KHDRBS2: variants seen among roughly 807,000 people sequenced by gnomAD.
The protein encoded by KHDRBS2 is KH domain-containing, RNA-binding, signal transduction-associated protein 2.
A neutral mutation model predicts 44.3 loss-of-function variants in KHDRBS2; 26 were observed. The observed-to-expected ratio is 0.59, with a 90% CI of 0.43 to 0.81. The LOEUF (loss-of-function observed/expected upper bound fraction) is 0.81, where lower values mean the gene tolerates loss of function less well. Among genes scored for constraint, KHDRBS2 ranks in the 40% least tolerant of loss-of-function variants. KHDRBS2 has a pLI of 0.00. For synonymous variants in KHDRBS2, 194 were observed against 151.1 expected, an observed-to-expected ratio of 1.28 and a Z score of -2.08; for missense variants, 476 against 433.1, an observed-to-expected ratio of 1.10 and a Z score of -0.88.
intron 4 of KHDRBS2, among the ~76,000 whole-genome samples, chr6:61,928,721 A>T (rs780736611): frequency 2.0e-5 from 3 of 152,104 alleles, no homozygotes; most frequent in Non-Finnish European, 4.4e-5. Context: ...TAGAACAATT[A>T]TTCATATAGG....
chr6:62,087,933 T>G (rs1434230348), intron 2 of KHDRBS2, among the ~76,000 whole-genome samples: 1 of 152,222 alleles, frequency 6.6e-6, no homozygotes, highest in African/African-American at 2.4e-5. Flanking sequence ...ATGCATTATT[T>G]CATTAAGTTG....
At position 62,177,262 on chromosome 6, in the gene KHDRBS2, T is replaced by C; in HGVS notation, c.142A>G (p.Lys48Glu). The change falls in exon 2 of 9, where the codon AAG becomes GAG. Residue 48 changes from lysine (K) to glutamate (E), a missense_variant. Coordinates refer to ENST00000281156, the MANE Select transcript of KHDRBS2 (RefSeq NM_152688.4). ...TTGTTGCTGATGACATCAAGATACT[T>C]CTTTTCTTCGTCTTCCTTTTTTCCA... ...SDGKKEDEEK[K>E]YLDVISNKNI... 2 of 1,601,862 alleles carry C rather than the reference T, an allele frequency of 1.2e-6. No individual in the cohort carries two copies. The highest frequency in any genetic ancestry group is 1.7e-6 in the Non-Finnish European group (2 of 1,171,100).
Position 62,286,024 on chromosome 6 carries a change from C to T in KHDRBS2, c.-76G>A. ...GGACGCAGGCAGGGTCTTGGGGCAG[C>T]GCCTGGCTCCCGCGCTGCTCCTCCT... On this transcript the variant is annotated 5_prime_UTR_variant, in exon 1 of 9. Transcript: ENST00000281156. The T allele has an allele frequency of 1.2e-6, 1 of 851,138 alleles. No individual in the cohort carries two copies. Among genetic ancestry groups the T allele is most frequent in the East Asian group, 2.6e-5 (1 of 37,914 alleles). 52.7% of individuals were successfully genotyped at this position (851,138 alleles called of 1,614,324 possible).
At chr6:61,762,223 A>G (rs1238005773) in intron 6 of KHDRBS2, among the ~76,000 whole-genome samples, 1 of 152,146 alleles carries the variant, frequency 6.6e-6, no homozygotes, top group East Asian at 1.9e-4. Flanking sequence ...CTTTTCCATA[A>G]TTGATTCTCA....
chr6:61,857,066 T>A (rs1159856024), intron 6 of KHDRBS2, among the ~76,000 whole-genome samples: 1 of 152,076 alleles, frequency 6.6e-6, no homozygotes, highest in Non-Finnish European at 1.5e-5. Flanking sequence ...CTTCATCTGA[T>A]AATCATATAT....
At chr6:61,853,964 G>A (rs1242259437) in intron 6 of KHDRBS2, among the ~76,000 whole-genome samples, 2 of 152,190 alleles carry the variant, frequency 1.3e-5, no homozygotes, top group East Asian at 3.8e-4. Flanking sequence ...ACATTGGCCA[G>A]ACCTTGGTCA....
intron 7 of KHDRBS2, among the ~76,000 whole-genome samples, chr6:61,706,695 A>G (rs1030180181): frequency 6.6e-6 from 1 of 151,854 alleles, no homozygotes; most frequent in African/African-American, 2.4e-5. Flanking sequence ...GAAAAGATAT[A>G]TTAACATACC....
chr6:61,912,743 C>A (rs1440070598), intron 4 of KHDRBS2, among the ~76,000 whole-genome samples: 1 of 152,148 alleles, frequency 6.6e-6, no homozygotes, highest in East Asian at 1.9e-4. Context: ...CATTTTCTGT[C>A]CTCTGCAAAA....
intron 3 of KHDRBS2, among the ~76,000 whole-genome samples, chr6:62,024,873 TG>T (rs1254034057): frequency 1.3e-5 from 2 of 151,670 alleles, no homozygotes; most frequent in African/African-American, 4.8e-5. Flanking sequence ...GTATTTATCA[TG>T]GTCCTCATGA....
intron 6 of KHDRBS2, among the ~76,000 whole-genome samples, chr6:61,873,818 A>G (rs1799010031): frequency 6.6e-6 from 1 of 152,042 alleles, no homozygotes; most frequent in Non-Finnish European, 1.5e-5. Context: ...AATAAACTAA[A>G]CAAATTAATC....
chr6:62,127,873 A>C lies in KHDRBS2; in HGVS notation c.219+49312T>G, dbSNP rs116270999. Among the ~76,000 whole-genome samples, 451 of 152,264 alleles carry C rather than the reference A, an allele frequency of 3.0e-3. 2 individuals are homozygous for C. Among genetic ancestry groups the C allele is most frequent in the South Asian group, 6.2e-3 (30 of 4,826 alleles). On this transcript the variant is annotated intron_variant, in intron 2 of 8. Transcript: ENST00000281156. ...TGATTGATCAATTCGTTGATCATCT[A>C]ATTGGTTCATTTATTCAATCATGCA...
At chr6:61,600,485 C>T in the KHDRBS2 span, among the ~76,000 whole-genome samples, 4 of 152,144 alleles carry the variant, frequency 2.6e-5, no homozygotes, top group Non-Finnish European at 5.9e-5. Flanking sequence ...TAATTTTCCA[C>T]TACCCACCCA....
chr6:62,114,488 A>G (rs1805749008), intron 2 of KHDRBS2, among the ~76,000 whole-genome samples: 1 of 152,094 alleles, frequency 6.6e-6, no homozygotes, highest in Admixed American at 6.6e-5. Context: ...AATGATATCA[A>G]TTATAAGGAG....
chr6:61,892,482 T>C (rs974106624), intron 6 of KHDRBS2, among the ~76,000 whole-genome samples: 3 of 152,166 alleles, frequency 2.0e-5, no homozygotes, highest in African/African-American at 7.2e-5. Context: ...GGATGCATCA[T>C]GCTACCTGAC....
At chr6:61,946,312 C>A (rs974602396) in intron 4 of KHDRBS2, among the ~76,000 whole-genome samples, 9 of 152,144 alleles carry the variant, frequency 5.9e-5, no homozygotes, top group African/African-American at 2.2e-4. Context: ...TAACAACGCA[C>A]CAAAACCACC....
chr6:62,118,635 C>A (rs1384135800), intron 2 of KHDRBS2, among the ~76,000 whole-genome samples: 1 of 152,120 alleles, frequency 6.6e-6, no homozygotes, highest in Non-Finnish European at 1.5e-5. Flanking sequence ...AAGACCTACC[C>A]TCAATCTGGG....
chr6:61,627,160 G>A, the KHDRBS2 span, among the ~76,000 whole-genome samples: 3 of 149,538 alleles, frequency 2.0e-5, no homozygotes, highest in Non-Finnish European at 4.4e-5. Context: ...GGCTGAGGCA[G>A]GAGAATGGCG....
At chr6:62,241,102 A>G (rs992530275) in intron 1 of KHDRBS2, among the ~76,000 whole-genome samples, 19 of 152,132 alleles carry the variant, frequency 1.2e-4, no homozygotes, top group Non-Finnish European at 7.4e-5. Flanking sequence ...TATTTTGAAA[A>G]ATGTATAAAA....
chr6:62,276,878 G>A (rs1259204257), intron 1 of KHDRBS2, among the ~76,000 whole-genome samples: 1 of 152,082 alleles, frequency 6.6e-6, no homozygotes, highest in Non-Finnish European at 1.5e-5. Context: ...GAAAAGGCCT[G>A]GGTTTCAACT....
Sources: allele counts gnomAD v4.1 joint callset (sites outside exome capture counted in the v4.1 genomes callset), GRCh38; gene constraint gnomAD v4.1.1; transcripts MANE v1.5; gene names NCBI Gene and HGNC (gene_info 2026-07-23, HGNC 2026-07-21).